Variants in GSE1 observed in about 807,000 individuals in gnomAD.
GSE1 encodes genetic suppressor element 1.
In GSE1, 32 loss-of-function variants were observed where a neutral mutation model predicts 112.6. The ratio of observed to expected loss-of-function variants is 0.28; its 90% CI spans 0.21 to 0.38. The LOEUF is 0.38. Among genes scored for constraint, GSE1 ranks in the 10% least tolerant of loss-of-function variants. The pLI is 1.00. For missense variants in GSE1, 2,348 were observed against 1,699.2 expected, an observed-to-expected ratio of 1.38 and a Z score of -6.71; for synonymous variants, 1,115 against 735.6, an observed-to-expected ratio of 1.52 and a Z score of -8.35.
At chr16:85,285,077 C>T (rs886512602) in intron 1 of GSE1, 1 of 152,232 alleles carries the variant, frequency 6.6e-6, no homozygotes, top group Non-Finnish European at 1.5e-5. Context: ...CAAAGTATCT[C>T]TCCATGAGAT....
At chr16:85,671,771 G>C (rs1268779788) in intron 15 of GSE1, 2 of 154,100 alleles carry the variant, frequency 1.3e-5, no homozygotes, top group Non-Finnish European at 2.9e-5. Flanking sequence ...TTTTATTAGA[G>C]AAGGGAAGCT....
At chr16:85,191,282 A>G (rs1329230721) in intron 1 of GSE1, among the ~76,000 whole-genome samples, 4 of 152,170 alleles carry the variant, frequency 2.6e-5, no homozygotes, top group Non-Finnish European at 5.9e-5. Flanking sequence ...AACAAAAACA[A>G]CAACAACAAA....
At chr16:85,333,697 G>T (rs934079484) in intron 1 of GSE1, among the ~76,000 whole-genome samples, 1 of 152,198 alleles carries the variant, frequency 6.6e-6, no homozygotes, top group African/African-American at 2.4e-5. Context: ...GGCAGGCATG[G>T]GGGCCCAAAG....
chr16:85,666,458 A>C lies in GSE1; in HGVS notation c.3130+111A>C, dbSNP rs550508488. ...CAGCCGTGGGCACAAGTTTTTATAA[A>C]CTCCAATCACCAGAAGAAAATAATT... On this transcript the variant is annotated intron_variant, in intron 13 of 15. Transcript: ENST00000253458. 51 of 940,744 alleles carry C rather than the reference A, an allele frequency of 5.4e-5. No homozygotes were observed. The African/African-American group carries it at 7.3e-4, about 13-fold the overall frequency. 58.3% of individuals were successfully genotyped at this position (940,744 alleles called of 1,614,324 possible).
chr16:85,257,029 G>C (rs1907156242), intron 1 of GSE1, among the ~76,000 whole-genome samples: 1 of 142,096 alleles, frequency 7.0e-6, no homozygotes, highest in Non-Finnish European at 1.5e-5. Flanking sequence ...TCTTTGGGTG[G>C]GGAGGACATG....
intron 1 of GSE1, among the ~76,000 whole-genome samples, chr16:85,228,110 A>G (rs2075519910): frequency 6.6e-6 from 1 of 152,168 alleles, no homozygotes; most frequent in Non-Finnish European, 1.5e-5. Flanking sequence ...AGGGAACAGC[A>G]CGGGCAGAGG....
chr16:85,644,999 G>C (rs1023182880), intron 2 of GSE1, among the ~76,000 whole-genome samples: 5 of 152,104 alleles, frequency 3.3e-5, no homozygotes, highest in African/African-American at 1.2e-4. Flanking sequence ...CAGATCAGGA[G>C]GGCTGAGGCC....
intron 1 of GSE1, among the ~76,000 whole-genome samples, chr16:85,625,887 G>A (rs1350192806): frequency 6.6e-6 from 1 of 152,108 alleles, no homozygotes; most frequent in Non-Finnish European, 1.5e-5. Context: ...CAGAGGACAG[G>A]TCTACACGGG....
At chr16:85,539,745 G>C (rs1203651921) in intron 2 of GSE1, among the ~76,000 whole-genome samples, 1 of 152,172 alleles carries the variant, frequency 6.6e-6, no homozygotes, top group African/African-American at 2.4e-5. Flanking sequence ...TCACTGACTA[G>C]AGTGATTCAC....
At chr16:85,231,746 C>T (rs1904288858) in intron 1 of GSE1, among the ~76,000 whole-genome samples, 1 of 152,194 alleles carries the variant, frequency 6.6e-6, no homozygotes, top group African/African-American at 2.4e-5. Context: ...CTCTGAAGCC[C>T]ATTTAAACCT....
chr16:85,344,179 G>A lies in GSE1; in HGVS notation c.2284-13284G>A, dbSNP rs369769425. 9.2e-5 allele frequency among the ~76,000 whole-genome samples: 14 copies of A among 152,326 alleles called. No homozygotes were observed. In the East Asian group the frequency reaches 2.1e-3, roughly 23 times the overall value. Reference sequence around the variant, plus strand: ...GGCACTAATGGACATGGGGTGGGATGCGGCCAGCCCTGCCCGGCGGGGGAG... The same window carrying A: ...GGCACTAATGGACATGGGGTGGGATACGGCCAGCCCTGCCCGGCGGGGGAG... On this transcript the variant is annotated intron_variant, in intron 1 of 2. Transcript: ENST00000637419.
intron 1 of GSE1, among the ~76,000 whole-genome samples, chr16:85,247,277 G>A (rs1304382689): frequency 6.6e-6 from 1 of 152,192 alleles, no homozygotes; most frequent in Non-Finnish European, 1.5e-5. Flanking sequence ...GACCTAGTGG[G>A]TAGGGAGTGC....
chr16:85,246,200 T>TTCAC (rs1905650400), intron 1 of GSE1, among the ~76,000 whole-genome samples: 1 of 89,054 alleles, frequency 1.1e-5, no homozygotes, highest in Non-Finnish European at 2.1e-5. Context: ...TCAGGGACCC[T>TTCAC]ACACACACAC....
At chr16:85,418,906 A>C (rs145706519) in intron 2 of GSE1, among the ~76,000 whole-genome samples, 212 of 152,178 alleles carry the variant, frequency 1.4e-3, no homozygotes, top group African/African-American at 4.9e-3. Flanking sequence ...GAACCTTAGA[A>C]CATCTCCAAG....
chr16:85,331,681 GTGTGTATATATA>G (rs1282944231), intron 1 of GSE1, among the ~76,000 whole-genome samples: 2 of 48,166 alleles, frequency 4.2e-5, no homozygotes, highest in African/African-American at 1.7e-4. Flanking sequence ...GTGTGTGTGT[GTGTGTATATATA>G]TATATATATA....
chr16:85,611,869 G>A (rs1288596139), upstream of GSE1, among the ~76,000 whole-genome samples: 1 of 151,944 alleles, frequency 6.6e-6, no homozygotes, highest in Non-Finnish European at 1.5e-5. Flanking sequence ...GGGAGGGGGA[G>A]GGAGGAAGGC....
intron 1 of GSE1, among the ~76,000 whole-genome samples, chr16:85,250,415 G>A (rs950635346): frequency 6.6e-6 from 1 of 152,306 alleles, no homozygotes; most frequent in African/African-American, 2.4e-5. Flanking sequence ...CGCCCCAGCT[G>A]GGTGTTCCCA....
chr16:85,215,060 T>C (rs1185530329), intron 1 of GSE1, among the ~76,000 whole-genome samples: 1 of 151,874 alleles, frequency 6.6e-6, no homozygotes, highest in Admixed American at 6.6e-5. Context: ...CCTTGGGGAG[T>C]AGGCCACCGT....
chr16:85,661,692 C>G lies in GSE1; in HGVS notation c.2187C>G (p.Phe729Leu). The change falls in exon 9 of 16, where the codon TTC becomes TTG. Residue 729 changes from phenylalanine to leucine, a missense_variant. Phe to Leu is a conservative substitution (Grantham distance 22, BLOSUM62 0). Transcript: ENST00000253458. ...APDPAYIYDE[F>L]LQQRRRLVSK... ...ACCCTGCCTACATCTATGATGAGTT[C>G]CTGCAGCAGCGCCGGAGGCTGGTCA... 2.5e-6 allele frequency: 4 copies of G among 1,606,898 alleles called. No homozygotes were observed. The highest frequency in any genetic ancestry group is 2.5e-6 in the Non-Finnish European group (3 of 1,176,936).
Sources: allele counts gnomAD v4.1 joint callset (sites outside exome capture counted in the v4.1 genomes callset), GRCh38; gene constraint gnomAD v4.1.1; transcripts MANE v1.5; gene names NCBI Gene and HGNC (gene_info 2026-07-23, HGNC 2026-07-21).